DLG2: variants seen among roughly 807,000 people sequenced by gnomAD.
The protein encoded by DLG2 is discs large MAGUK scaffold protein 2, also known as disks large homolog 2.
Under a neutral mutation model 132.5 loss-of-function variants are expected in DLG2, and 45 were observed. That is an observed-to-expected ratio of 0.34 (90% CI 0.27 to 0.44). DLG2 has a LOEUF of 0.44. Ranked by LOEUF, DLG2 falls within the 20% of genes least tolerant of loss-of-function variation. The pLI is 1.00. For synonymous variants in DLG2, 424 were observed against 419.6 expected (o/e 1.01, Z -0.13); for missense variants, 1,045 against 1,196.9 (o/e 0.87, Z 1.87).
intron 15 of DLG2, among the ~76,000 whole-genome samples, chr11:83,918,923 C>T (rs879882463): frequency 6.6e-6 from 1 of 152,142 alleles, no homozygotes; most frequent in East Asian, 1.9e-4. Flanking sequence ...AGAAGTCTAG[C>T]GTCAACATGG....
At chr11:84,230,659 T>G (rs1234471946) in intron 8 of DLG2, among the ~76,000 whole-genome samples, 1 of 152,078 alleles carries the variant, frequency 6.6e-6, no homozygotes, top group Non-Finnish European at 1.5e-5. Context: ...CAACTCCATA[T>G]GGAAAGCGGA....
intron 3 of DLG2, among the ~76,000 whole-genome samples, chr11:85,485,446 A>G (rs1436226126): frequency 6.6e-6 from 1 of 152,248 alleles, no homozygotes; most frequent in African/African-American, 2.4e-5. Flanking sequence ...ATCACTCATT[A>G]GAAGCAGCTA....
At chr11:83,985,452 A>G (rs185021894) in intron 11 of DLG2, among the ~76,000 whole-genome samples, 1 of 152,012 alleles carries the variant, frequency 6.6e-6, no homozygotes, top group African/African-American at 2.4e-5. Context: ...TCAACCCATC[A>G]ATGTGATATT....
intron 10 of DLG2, among the ~76,000 whole-genome samples, chr11:84,085,644 C>T (rs1386601619): frequency 2.0e-5 from 3 of 152,200 alleles, no homozygotes; most frequent in African/African-American, 4.8e-5. Context: ...CCTGCCTTCA[C>T]TAGAGCAGTA....
At chr11:85,377,563 T>C (rs1023588595) in intron 3 of DLG2, among the ~76,000 whole-genome samples, 16 of 152,024 alleles carry the variant, frequency 1.1e-4, no homozygotes, top group Non-Finnish European at 2.4e-4. Context: ...TATATATGAC[T>C]CTGTTGTATA....
chr11:84,195,095 G>A (rs1292663368), intron 8 of DLG2, among the ~76,000 whole-genome samples: 1 of 152,164 alleles, frequency 6.6e-6, no homozygotes, highest in Non-Finnish European at 1.5e-5. Flanking sequence ...TGTGGCCTGA[G>A]GTGCCCAGAG....
intron 6 of DLG2, among the ~76,000 whole-genome samples, chr11:84,553,127 G>A (rs2099405205): frequency 6.6e-6 from 1 of 152,094 alleles, no homozygotes; most frequent in Non-Finnish European, 1.5e-5. Context: ...CTCTTTTTAA[G>A]ATTCTTTTCA....
intron 7 of DLG2, among the ~76,000 whole-genome samples, chr11:84,328,785 G>A (rs764027776): frequency 4.2e-4 from 64 of 152,276 alleles, no homozygotes; most frequent in African/African-American, 1.3e-3. Context: ...TTTCCTTAGA[G>A]ACCTAACATT....
At chr11:83,782,652 C>T (rs2094880303) in intron 18 of DLG2, among the ~76,000 whole-genome samples, 3 of 152,078 alleles carry the variant, frequency 2.0e-5, no homozygotes, top group African/African-American at 4.8e-5. Context: ...AGGCATAGTT[C>T]AGGAACAAGT....
intron 7 of DLG2, among the ~76,000 whole-genome samples, chr11:84,323,043 TGTG>T (rs2098413215): frequency 6.6e-6 from 1 of 152,170 alleles, no homozygotes. Context: ...TTTTTTAAGT[TGTG>T]GTAAAAAACA....
At chr11:83,824,999 A>G (rs1212089756) in intron 17 of DLG2, among the ~76,000 whole-genome samples, 2 of 151,614 alleles carry the variant, frequency 1.3e-5, no homozygotes, top group Admixed American at 1.3e-4. Flanking sequence ...GTTTCCCTAC[A>G]CAGTTTGCTG....
At chr11:83,484,816 A>G (rs1015879844) in intron 21 of DLG2, among the ~76,000 whole-genome samples, 16 of 152,300 alleles carry the variant, frequency 1.1e-4, no homozygotes, top group African/African-American at 3.4e-4. Context: ...ACAAAGAAGT[A>G]TGTAGATTTA....
chr11:83,855,918 G>A (rs1358975397), intron 16 of DLG2, among the ~76,000 whole-genome samples: 2 of 152,064 alleles, frequency 1.3e-5, no homozygotes. Flanking sequence ...TTGTTGTACA[G>A]GTTATGTCAT....
intron 11 of DLG2, among the ~76,000 whole-genome samples, chr11:84,036,492 C>T (rs956243884): frequency 5.3e-5 from 8 of 152,040 alleles, no homozygotes; most frequent in Non-Finnish European, 8.8e-5. Flanking sequence ...CCATTACTAA[C>T]GTTTTTAACT....
intron 19 of DLG2, among the ~76,000 whole-genome samples, chr11:83,591,427 G>T (rs2097184932): frequency 1.1e-5 from 1 of 89,542 alleles, no homozygotes; most frequent in Non-Finnish European, 2.2e-5. Context: ...AAAGGCCTTT[G>T]ACAAAATTCA....
chr11:84,264,161 G>A (rs1490488904), intron 7 of DLG2, among the ~76,000 whole-genome samples: 1 of 152,114 alleles, frequency 6.6e-6, no homozygotes, highest in Non-Finnish European at 1.5e-5. Context: ...AATACTGCTG[G>A]CATTTGCTGA....
chr11:84,920,285 C>A (rs1312761886), intron 6 of DLG2, among the ~76,000 whole-genome samples: 1 of 152,182 alleles, frequency 6.6e-6, no homozygotes. Flanking sequence ...TTGAAGTGCT[C>A]TGCTTCTTAG....
chr11:85,046,000 T>C (rs570926916), intron 6 of DLG2, among the ~76,000 whole-genome samples: 1 of 151,958 alleles, frequency 6.6e-6, no homozygotes. Flanking sequence ...AGGCCTACAA[T>C]TTTGCTTCTT....
At chr11:85,405,137 A>G (rs548342961) in intron 3 of DLG2, among the ~76,000 whole-genome samples, 13 of 152,064 alleles carry the variant, frequency 8.5e-5, no homozygotes, top group Middle Eastern at 3.4e-3. Context: ...GTGTGGTTTG[A>G]CACTGCTAAG....
Sources: gnomAD v4.1 joint callset for allele counts (sites outside exome capture counted in the v4.1 genomes callset) on GRCh38, gnomAD v4.1.1 for gene constraint, MANE v1.5 for transcripts, NCBI Gene and HGNC (gene_info 2026-07-23, HGNC 2026-07-21) for gene names.